Variants in DAB1 observed in about 807,000 individuals in gnomAD.
The protein encoded by DAB1 is DAB adaptor protein 1.
In DAB1, 15 loss-of-function variants were observed where a neutral mutation model predicts 64.6. That is an observed-to-expected ratio of 0.23 (90% CI 0.16 to 0.36). The LOEUF (loss-of-function observed/expected upper bound fraction) is 0.36, where lower values mean the gene tolerates loss of function less well. DAB1 is among the 10% of genes least tolerant of loss of function. The pLI is 1.00. For missense variants in DAB1, 596 were observed against 706.7 expected, an observed-to-expected ratio of 0.84 and a Z score of 1.78; for synonymous variants, 235 against 251.9, an observed-to-expected ratio of 0.93 and a Z score of 0.64.
chr1:57,288,570 C>A (rs1672520063), intron 2 of DAB1, among the ~76,000 whole-genome samples: 1 of 152,088 alleles, frequency 6.6e-6, no homozygotes, highest in African/African-American at 2.4e-5. Context: ...GGAAGAGAGC[C>A]CTCACCAGGA....
upstream of DAB1, among the ~76,000 whole-genome samples, chr1:57,428,855 A>C (rs1417700377): frequency 1.7e-5 from 2 of 118,784 alleles, no homozygotes; most frequent in African/African-American, 2.9e-5. Context: ...AAAAAAAAAA[A>C]AAAAACAGCA....
intron 7 of DAB1, among the ~76,000 whole-genome samples, chr1:57,620,169 C>T (rs1269521307): frequency 6.6e-6 from 1 of 152,104 alleles, no homozygotes; most frequent in Non-Finnish European, 1.5e-5. Context: ...CTGGTGCCAG[C>T]TGAGACTCCG....
chr1:57,500,216 G>C (rs964544354), intron 7 of DAB1, among the ~76,000 whole-genome samples: 10 of 152,038 alleles, frequency 6.6e-5, no homozygotes, highest in African/African-American at 2.4e-4. Flanking sequence ...TCAGAGAAAT[G>C]AGAAAAAAAG....
intron 6 of DAB1, among the ~76,000 whole-genome samples, chr1:57,744,075 T>C (rs1174436342): frequency 6.6e-6 from 1 of 152,220 alleles, no homozygotes; most frequent in African/African-American, 2.4e-5. Flanking sequence ...ATTAGGGCCA[T>C]TATGGATACG....
chr1:57,013,870 G>A (rs1206859278), intron 12 of DAB1, among the ~76,000 whole-genome samples: 2 of 152,152 alleles, frequency 1.3e-5, no homozygotes, highest in African/African-American at 4.8e-5. Flanking sequence ...AGAAATATGA[G>A]CTGGAGGAGA....
chr1:57,043,475 C>T (rs2100490287), intron 9 of DAB1, among the ~76,000 whole-genome samples: 1 of 152,246 alleles, frequency 6.6e-6, no homozygotes, highest in East Asian at 1.9e-4. Context: ...GTGGCATTCT[C>T]TTTTGCCCAA....
chr1:58,025,651 G>GTGTGTA lies in DAB1; in HGVS notation n.387+124859_387+124860insTACACA, dbSNP rs1264790564. 1.4e-3 allele frequency among the ~76,000 whole-genome samples: 105 copies of GTGTGTA among 75,290 alleles called. 1 individual carries two copies. Among genetic ancestry groups the GTGTGTA allele is most frequent in the Middle Eastern group, 0.013 (2 of 150 alleles). 49.4% of individuals were successfully genotyped at this position (75,290 alleles called of 152,430 possible). A position where few individuals can be genotyped will look rare whatever the true frequency, so the allele number is the denominator to read the frequency against. On this transcript the variant is annotated intron_variant and non_coding_transcript_variant, in intron 5 of 20. Coordinates refer to the DAB1 transcript ENST00000485760. ...AATATAATATTATATATATATGTGT[G>GTGTGTA]TATATATATATATATATATATATAT...
chr1:57,597,547 G>A (rs757189174), intron 7 of DAB1, among the ~76,000 whole-genome samples: 8 of 152,348 alleles, frequency 5.3e-5, no homozygotes, highest in South Asian at 2.1e-4. Context: ...ACAAGGCTAC[G>A]AAGTTAGAAT....
chr1:57,443,328 G>T (rs1344124431), intron 7 of DAB1, among the ~76,000 whole-genome samples: 3 of 152,280 alleles, frequency 2.0e-5, no homozygotes, highest in Non-Finnish European at 4.4e-5. Flanking sequence ...AGAAACAAAG[G>T]ATTATGAGAA....
At chr1:58,020,893 C>T (rs571099440) in intron 5 of DAB1, among the ~76,000 whole-genome samples, 2 of 152,292 alleles carry the variant, frequency 1.3e-5, no homozygotes, top group East Asian at 1.9e-4. Context: ...ATCCCAGCTA[C>T]TTGCGAGGCT....
At chr1:57,203,668 G>A (rs1665291382) in intron 2 of DAB1, among the ~76,000 whole-genome samples, 1 of 152,170 alleles carries the variant, frequency 6.6e-6, no homozygotes, top group Non-Finnish European at 1.5e-5. Context: ...TGATTTGTTG[G>A]TGATAGTGCT....
At chr1:57,986,240 C>A (rs1371117309) in intron 5 of DAB1, among the ~76,000 whole-genome samples, 1 of 152,112 alleles carries the variant, frequency 6.6e-6, no homozygotes, top group Non-Finnish European at 1.5e-5. Context: ...ATATTGAAAT[C>A]CTAACCCCTG....
Position 57,975,974 on chromosome 1 carries a change from T to C in DAB1, n.388-91812A>G, listed in dbSNP as rs142526147. ...TCCAAGAACTATAGTGCTGTCAACATCGGAGACTTCTTTGCTCCAGTTGGG... is the reference window on the plus strand; with the variant it reads ...TCCAAGAACTATAGTGCTGTCAACACCGGAGACTTCTTTGCTCCAGTTGGG... On this transcript the variant is annotated intron_variant and non_coding_transcript_variant, in intron 5 of 20. Transcript: ENST00000485760. 7.2e-5 allele frequency among the ~76,000 whole-genome samples: 11 copies of C among 152,334 alleles called. No homozygotes were observed. In the East Asian group the frequency reaches 2.1e-3, roughly 29 times the overall value.
At chr1:57,314,687 G>A (rs554843677) in intron 1 of DAB1, among the ~76,000 whole-genome samples, 133 of 152,042 alleles carry the variant, frequency 8.7e-4, no homozygotes, top group African/African-American at 2.8e-3. Context: ...GGAAGTTGAG[G>A]CAGAAGGATC....
At chr1:57,750,360 A>G (rs1391709709) in intron 6 of DAB1, among the ~76,000 whole-genome samples, 1 of 152,108 alleles carries the variant, frequency 6.6e-6, no homozygotes, top group Admixed American at 6.5e-5. Context: ...TTTGTTACAG[A>G]CATTTTGATG....
intron 4 of DAB1, among the ~76,000 whole-genome samples, chr1:58,329,094 G>A (rs976794036): frequency 1.3e-5 from 2 of 152,140 alleles, no homozygotes; most frequent in African/African-American, 4.8e-5. Flanking sequence ...TCTATTTTTA[G>A]AAATATATTC....
chr1:58,416,985 T>C (rs867518624), intron 3 of DAB1, among the ~76,000 whole-genome samples: 1 of 152,352 alleles, frequency 6.6e-6, no homozygotes, highest in Non-Finnish European at 1.5e-5. Flanking sequence ...TTTGAAGATA[T>C]TGAGTTAAAT....
intron 1 of DAB1, among the ~76,000 whole-genome samples, chr1:57,315,877 C>T (rs1319424314): frequency 6.6e-6 from 1 of 152,144 alleles, no homozygotes; most frequent in African/African-American, 2.4e-5. Context: ...ACTATAAACT[C>T]CTCCCACCAC....
At chr1:57,814,576 ATC>A (rs1295881636) in intron 6 of DAB1, among the ~76,000 whole-genome samples, 4 of 152,228 alleles carry the variant, frequency 2.6e-5, no homozygotes, top group Non-Finnish European at 5.9e-5. Context: ...TTGTATTTAA[ATC>A]TGTTTCCTTC....
Sources: gnomAD v4.1 joint callset for allele counts (sites outside exome capture counted in the v4.1 genomes callset) on GRCh38, gnomAD v4.1.1 for gene constraint, MANE v1.5 for transcripts, NCBI Gene and HGNC (gene_info 2026-07-23, HGNC 2026-07-21) for gene names.